Variants in VPS13B observed in about 807,000 individuals in gnomAD.
VPS13B encodes vacuolar protein sorting 13 homolog B.
A neutral mutation model predicts 426.4 loss-of-function variants in VPS13B; 285 were observed. The observed-to-expected ratio is 0.67, with a 90% CI of 0.61 to 0.74. The LOEUF is 0.74. Ranked by LOEUF, VPS13B falls within the 30% of genes least tolerant of loss-of-function variation. VPS13B has a pLI of 0.00. For missense variants in VPS13B, 4,537 were observed against 4,782.6 expected, an observed-to-expected ratio of 0.95 and a Z score of 1.51; for synonymous variants, 1,676 against 1,676.4, an observed-to-expected ratio of 1.00 and a Z score of 0.01.
rs764950051 is a variant in VPS13B, at chr8:99,820,138, T to A, written c.8994+16T>A. On this transcript the variant is annotated intron_variant, in intron 49 of 61. Transcript: ENST00000357162. Reference sequence around the variant, plus strand: ...TAATTTTCAGGTACTATAACTTTTTTAACTAATACGAATTCTTATCTCTCA... The same window carrying A: ...TAATTTTCAGGTACTATAACTTTTTAAACTAATACGAATTCTTATCTCTCA... 21 of 1,607,750 alleles carry A rather than the reference T, an allele frequency of 1.3e-5. 1 individual carries two copies. The Admixed American group carries it at 3.5e-4, about 27-fold the overall frequency.
intron 33 of VPS13B, among the ~76,000 whole-genome samples, chr8:99,592,078 T>G (rs1418596696): frequency 6.6e-6 from 1 of 151,948 alleles, no homozygotes; most frequent in African/African-American, 2.4e-5. Flanking sequence ...CTTCAATCAC[T>G]GATACCTTTT....
intron 25 of VPS13B, among the ~76,000 whole-genome samples, chr8:99,493,086 A>G (rs1820703361): frequency 6.6e-6 from 1 of 152,168 alleles, no homozygotes; most frequent in African/African-American, 2.4e-5. Context: ...TCACATGTTC[A>G]ACTGACCATG....
At chr8:99,631,539 TA>T (rs1368279530) in intron 33 of VPS13B, among the ~76,000 whole-genome samples, 3 of 152,086 alleles carry the variant, frequency 2.0e-5, no homozygotes, top group African/African-American at 7.2e-5. Context: ...AAGCAAATTG[TA>T]AAAGCTTTGG....
intron 25 of VPS13B, among the ~76,000 whole-genome samples, chr8:99,500,610 T>C (rs975439602): frequency 2.6e-5 from 4 of 152,172 alleles, no homozygotes; most frequent in African/African-American, 7.2e-5. Context: ...AGACTAAGCT[T>C]AACTAAGTAT....
chr8:99,486,437 G>A (rs1011053886), intron 25 of VPS13B, among the ~76,000 whole-genome samples: 3 of 152,062 alleles, frequency 2.0e-5, no homozygotes, highest in Non-Finnish European at 2.9e-5. Context: ...TGTTGGCCAG[G>A]CTGGTCTGGA....
In VPS13B at chr8:99,809,510, C is replaced by T. The variant is rs984666923; in HGVS notation, c.8077C>T (p.Leu2693Phe). 2 of 1,614,028 alleles carry T rather than the reference C, an allele frequency of 1.2e-6. No homozygotes were observed. Among genetic ancestry groups the T allele is most frequent in the African/African-American group, 1.3e-5 (1 of 75,032 alleles). Reference protein sequence around the residue: ...TASLIIKVQQLNGVQKQIIIC... With the variant: ...TASLIIKVQQFNGVQKQIIIC... ...TTCTCTCATCATCAAGGTTCAGCAACTCAATGGAGTACAAAAACAGGTAAG... is the reference window on the plus strand; with the variant it reads ...TTCTCTCATCATCAAGGTTCAGCAATTCAATGGAGTACAAAAACAGGTAAG... Residue 2693 changes from leucine to phenylalanine, a missense_variant, in exon 44 of 62, where the codon CTC (leucine) becomes TTC (phenylalanine). Physicochemically the swap from Leu to Phe is conservative, Grantham distance 22. Transcript: ENST00000357162.
intron 19 of VPS13B, among the ~76,000 whole-genome samples, chr8:99,374,239 T>G (rs1320712216): frequency 2.3e-4 from 35 of 151,888 alleles, no homozygotes; most frequent in Admixed American, 2.3e-3. Context: ...TATCTAGATC[T>G]GGTTTCTTTT....
chr8:99,233,016 C>A, intron 17 of VPS13B: 1 of 876,082 alleles, frequency 1.1e-6, no homozygotes, highest in South Asian at 1.4e-5. Flanking sequence ...GGGCTCCATT[C>A]ATCTGTTGTT....
At chr8:99,160,700 T>A (rs1484490824) in intron 15 of VPS13B, among the ~76,000 whole-genome samples, 1 of 149,918 alleles carries the variant, frequency 6.7e-6, no homozygotes, top group Non-Finnish European at 1.5e-5. Context: ...AATTTTCATG[T>A]AATGTATCAA....
At chr8:99,779,137 G>C (rs569239759) in intron 42 of VPS13B, 106 bp downstream of exon 42, 23 of 1,127,678 alleles carry the variant, frequency 2.0e-5, no homozygotes, top group Non-Finnish European at 2.8e-5. Context: ...AAAAATGTTA[G>C]AGAATGAAGA....
At chr8:99,197,249 T>A (rs554675538) in intron 17 of VPS13B, among the ~76,000 whole-genome samples, 1 of 152,184 alleles carries the variant, frequency 6.6e-6, no homozygotes, top group African/African-American at 2.4e-5. Context: ...TTTTTACATC[T>A]ATGTTCACCA....
chr8:99,489,580 G>T (rs76386246), intron 25 of VPS13B, among the ~76,000 whole-genome samples: 1 of 151,968 alleles, frequency 6.6e-6, no homozygotes, highest in Non-Finnish European at 1.5e-5. Context: ...TTATTTTGTT[G>T]AGCAGTGGTT....
intron 30 of VPS13B, among the ~76,000 whole-genome samples, chr8:99,531,428 T>C (rs1822928059): frequency 1.3e-5 from 2 of 152,142 alleles, no homozygotes; most frequent in South Asian, 4.1e-4. Context: ...ATAGGAGATA[T>C]TTAAAAGTCA....
chr8:99,521,029 G>C lies in VPS13B; in HGVS notation c.4745+19G>C, dbSNP rs1822357254. 4 of 1,597,524 alleles carry C rather than the reference G, an allele frequency of 2.5e-6. No homozygotes were observed. Among genetic ancestry groups the C allele is most frequent in the Non-Finnish European group, 3.4e-6 (4 of 1,165,356 alleles). On this transcript the variant is annotated intron_variant, in intron 30 of 61. Coordinates refer to ENST00000357162, the MANE Select transcript of VPS13B (RefSeq NM_152564.5). The stretch of plus-strand genomic sequence containing the variant: ...TTTACCAGTAAGTTTATTTTCTTAT[G>C]TCCAATCTTGCAACAATTTTCATCC...
intron 17 of VPS13B, among the ~76,000 whole-genome samples, chr8:99,270,474 G>T (rs1412452351): frequency 1.3e-5 from 2 of 151,906 alleles, no homozygotes; most frequent in Non-Finnish European, 2.9e-5. Flanking sequence ...GATAACTTAT[G>T]ATAAGAGTCT....
At chr8:99,493,896 A>C (rs929608314) in intron 25 of VPS13B, among the ~76,000 whole-genome samples, 8 of 152,066 alleles carry the variant, frequency 5.3e-5, no homozygotes, top group Admixed American at 3.9e-4. Context: ...AACACAGAGA[A>C]GCATCTTGAT....
chr8:99,151,769 G>A (rs1811092563), intron 14 of VPS13B, among the ~76,000 whole-genome samples: 1 of 152,118 alleles, frequency 6.6e-6, no homozygotes, highest in Non-Finnish European at 1.5e-5. Context: ...CTGACCTCAG[G>A]TGATCTGCCC....
chr8:99,109,591 C>T (rs994407609), intron 5 of VPS13B, among the ~76,000 whole-genome samples: 8 of 152,148 alleles, frequency 5.3e-5, no homozygotes, highest in African/African-American at 1.7e-4. Context: ...CCACTTTGCC[C>T]AGGCTGGTTT....
chr8:99,071,951 G>C (rs1779026347), intron 3 of VPS13B, among the ~76,000 whole-genome samples: 1 of 152,126 alleles, frequency 6.6e-6, no homozygotes, highest in Admixed American at 6.6e-5. Context: ...TTCCAGGCCT[G>C]GGTCTGTCCC....
Sources: gnomAD v4.1 joint callset for allele counts (sites outside exome capture counted in the v4.1 genomes callset) on GRCh38, gnomAD v4.1.1 for gene constraint, MANE v1.5 for transcripts, NCBI Gene and HGNC (gene_info 2026-07-23, HGNC 2026-07-21) for gene names.